Variants in ERRFI1 observed in about 807,000 individuals in gnomAD.
The protein encoded by ERRFI1 is mitogen-inducible gene 6 protein.
Under a neutral mutation model 14.6 loss-of-function variants are expected in ERRFI1, and 12 were observed. That is an observed-to-expected ratio of 0.82 (90% CI 0.53 to 1.33). The LOEUF (loss-of-function observed/expected upper bound fraction) is 1.33, where lower values mean the gene tolerates loss of function less well. ERRFI1 is among the 40% of genes most tolerant of loss of function. The pLI is 0.00. For missense variants in ERRFI1, 482 were observed against 572.1 expected, an observed-to-expected ratio of 0.84 and a Z score of 1.61; for synonymous variants, 202 against 209.9, an observed-to-expected ratio of 0.96 and a Z score of 0.32.
At chr1:8,018,382 G>C (rs1028709590) in intron 1 of ERRFI1, among the ~76,000 whole-genome samples, 2 of 115,004 alleles carry the variant, frequency 1.7e-5, no homozygotes, top group African/African-American at 7.1e-5. Flanking sequence ...GCGGGGGGGG[G>C]GGGGGCGCGG....
At chr1:8,019,951 T>C (rs1641252511) in intron 1 of ERRFI1, among the ~76,000 whole-genome samples, 1 of 152,194 alleles carries the variant, frequency 6.6e-6, no homozygotes, top group African/African-American at 2.4e-5. Context: ...GACTGTGTTT[T>C]TGCTGCTGAA....
At chr1:8,015,017 T>C (rs1641152753) in intron 3 of ERRFI1, 1 of 332,674 alleles carries the variant, frequency 3.0e-6, no homozygotes, top group Admixed American at 4.3e-5. Context: ...TAAGGTTTCA[T>C]GAAGTAAAGT....
intron 1 of ERRFI1, among the ~76,000 whole-genome samples, chr1:8,024,451 A>C (rs778093036): frequency 2.6e-5 from 4 of 152,240 alleles, no homozygotes; most frequent in Non-Finnish European, 5.9e-5. Flanking sequence ...TGAGCCTTAA[A>C]AGGTAAAACA....
At chr1:8,021,004 T>G (rs983126370) in intron 1 of ERRFI1, among the ~76,000 whole-genome samples, 20 of 152,236 alleles carry the variant, frequency 1.3e-4, no homozygotes, top group Middle Eastern at 6.3e-3. Context: ...CATGTTTTAA[T>G]GTAATTAAAA....
At chr1:8,019,718 T>A (rs1229598187) in intron 1 of ERRFI1, among the ~76,000 whole-genome samples, 2 of 152,228 alleles carry the variant, frequency 1.3e-5, no homozygotes, top group African/African-American at 2.4e-5. Flanking sequence ...TGCCCAATAA[T>A]AATGTAACAA....
At chr1:8,023,754 T>G (rs908309462) in intron 1 of ERRFI1, among the ~76,000 whole-genome samples, 1 of 152,184 alleles carries the variant, frequency 6.6e-6, no homozygotes, top group East Asian at 1.9e-4. Context: ...CTTTTCCCTA[T>G]CTTAAAACTA....
chr1:8,017,408 A>G (rs2124069669), intron 1 of ERRFI1, among the ~76,000 whole-genome samples: 2 of 152,336 alleles, frequency 1.3e-5, no homozygotes, highest in South Asian at 4.1e-4. Flanking sequence ...TCTCAAATAT[A>G]TGATAAAGAA....
chr1:8,018,378 G>T (rs1048136485), intron 1 of ERRFI1, among the ~76,000 whole-genome samples: 1 of 110,936 alleles, frequency 9.0e-6, no homozygotes, highest in East Asian at 4.0e-4. Context: ...GGGGGCGGGG[G>T]GGGGGGGGGC....
intron 1 of ERRFI1, among the ~76,000 whole-genome samples, chr1:8,024,947 G>A (rs1179049596): frequency 1.3e-5 from 2 of 152,016 alleles, no homozygotes; most frequent in Non-Finnish European, 2.9e-5. Context: ...AAATAGGTAC[G>A]GTGAACTTGG....
Position 8,013,727 on chromosome 1 carries a change from G to A in ERRFI1, c.872C>T (p.Pro291Leu), listed in dbSNP as rs1188985552. 2 of 1,614,070 alleles carry A rather than the reference G, an allele frequency of 1.2e-6. No individual in the cohort carries two copies. Among genetic ancestry groups the A allele is most frequent in the Non-Finnish European group, 1.7e-6 (2 of 1,180,042 alleles). ...PEVPPRVPIP[P>L]RPVKPDYRRW... ...TCTATAATCTGGCTTTACTGGTCTA[G>A]GAGGTATGGGAACTCTGGGGGGAAC... Residue 291 changes from proline to leucine, a missense_variant, in exon 4 of 4, where the codon CCT becomes CTT. Transcript: ENST00000377482. This position sits in a 1 kb window ranked among gnomAD's most constrained non-coding sequence, Gnocchi z 4.3.
At position 8,013,795 on chromosome 1, in the gene ERRFI1, A is replaced by G. The variant is rs1189505714; in HGVS notation, c.804T>C (p.Cys268=). The change falls in exon 4 of 4, where the codon TGT becomes TGC. Residue 268 remains cysteine (C), a synonymous_variant. Transcript: ENST00000377482. The surrounding 1 kb of genome is among the most constrained non-coding windows in gnomAD (Gnocchi z 4.3). ...CGGAGTTAGGAGAAGCTCTGTGTAT[A>G]CAACAGTTGGATATCCTTATGGCTG... ...NKPAIRISNC[C]IHRASPNSDE... The G allele has an allele frequency of 3.1e-6, 5 of 1,614,152 alleles. No homozygotes were observed. The Admixed American group carries it at 8.3e-5, about 27-fold the overall frequency.
rs548066867 is a variant in ERRFI1 at position 8,019,908 on chromosome 1, G to A, written c.-73-4216C>T. 3.3e-5 allele frequency among the ~76,000 whole-genome samples: 5 copies of A among 152,154 alleles called. No individual in the cohort carries two copies. In the East Asian group the frequency reaches 7.7e-4, roughly 24 times the overall value. ...TGGGGGGGTACTTTCTTAAAACAGT[G>A]TTTTGCCTTCTCTTAAAACACTATT... On this transcript the variant is annotated intron_variant, in intron 1 of 3. Coordinates refer to ENST00000377482, the MANE Select transcript of ERRFI1 (RefSeq NM_018948.4).
rs541458523 is a variant in ERRFI1, at chr1:8,022,256, G to A, written c.-74+3902C>T. On this transcript the variant is annotated intron_variant, in intron 1 of 3. Transcript: ENST00000377482. ...AACATGGTTATTTCATATAACACAAGTCTGTTTTTACTCGTAATAAGCGGT... is the reference window on the plus strand; with the variant it reads ...AACATGGTTATTTCATATAACACAAATCTGTTTTTACTCGTAATAAGCGGT... 2.6e-5 allele frequency among the ~76,000 whole-genome samples: 4 copies of A among 152,246 alleles called. No individual in the cohort carries two copies. The South Asian group carries it at 8.3e-4, about 32-fold the overall frequency.
rs1641090405 is a variant in ERRFI1, at chr1:8,011,947, A to C, written c.*1263T>G. On this transcript the variant is annotated 3_prime_UTR_variant, in exon 4 of 4. Transcript: ENST00000377482. ...GTTTAAACTGTAAACAGCTTGTTTA[A>C]CTGTTAAGAGAACATTGCAGTAATG... 1 of 227,836 alleles carries C rather than the reference A, an allele frequency of 4.4e-6. No individual in the cohort carries two copies. The highest frequency in any genetic ancestry group is 8.7e-6 in the Non-Finnish European group (1 of 114,484). The allele number at this position is 227,836 out of a possible 1,614,324, so 14.1% of individuals were successfully genotyped here. A position where few individuals can be genotyped will look rare whatever the true frequency, so the allele number is the denominator to read the frequency against.
chr1:8,022,077 T>C (rs1183362727), intron 1 of ERRFI1, among the ~76,000 whole-genome samples: 4 of 152,216 alleles, frequency 2.6e-5, no homozygotes, highest in Non-Finnish European at 4.4e-5. Context: ...AATTCTCCTA[T>C]TAAAAGTTAT....
chr1:8,015,574 T>G lies in ERRFI1; in HGVS notation c.46A>C (p.Lys16Gln). 1.2e-6 allele frequency: 2 copies of G among 1,614,178 alleles called. No individual in the cohort carries two copies. The highest frequency in any genetic ancestry group is 1.7e-6 in the Non-Finnish European group (2 of 1,180,012). ...VAAQEIRVPLKTGFLHNGRAM... is the reference protein window; with the variant it reads ...VAAQEIRVPLQTGFLHNGRAM... ...CGGCCATTATGTAGAAATCCAGTTT[T>G]TAATGGGACTCTGATCTCCTGAGCA... The change falls in exon 2 of 4, where the codon AAA becomes CAA. Residue 16 changes from lysine to glutamine, a missense_variant. Lys to Gln is a moderately conservative substitution (Grantham distance 53). Transcript: ENST00000377482.
Position 8,015,625 on chromosome 1 carries a change from C to CTTA in ERRFI1, c.-9_-7dup, listed in dbSNP as rs1166232059. On this transcript the variant is annotated 5_prime_UTR_variant, in exon 2 of 4. Transcript: ENST00000377482. ...GCAACTCCTGCTATTGACATTGTGC[C>CTTA]TTATTCTGGGACATCTCCAAACCTG... 1.2e-6 allele frequency: 2 copies of CTTA among 1,614,040 alleles called. No individual in the cohort carries two copies. Among genetic ancestry groups the CTTA allele is most frequent in the Non-Finnish European group, 1.7e-6 (2 of 1,179,930 alleles).
At chr1:8,017,447 G>C (rs979629154) in intron 1 of ERRFI1, among the ~76,000 whole-genome samples, 2 of 152,148 alleles carry the variant, frequency 1.3e-5, no homozygotes, top group African/African-American at 4.8e-5. Flanking sequence ...TTCTAATTGA[G>C]AGGTCTTTTG....
intron 1 of ERRFI1, among the ~76,000 whole-genome samples, chr1:8,016,580 A>G (rs1382182939): frequency 6.6e-6 from 1 of 152,200 alleles, no homozygotes; most frequent in Non-Finnish European, 1.5e-5. Context: ...TGGAGTCCCT[A>G]TAGCCCCCTT....
Sources: gnomAD v4.1 joint callset for allele counts (sites outside exome capture counted in the v4.1 genomes callset) on GRCh38, gnomAD v4.1.1 for gene constraint, Gnocchi (gnomAD v3.1) non-coding constraint, MANE v1.5 for transcripts, NCBI Gene and HGNC (gene_info 2026-07-23, HGNC 2026-07-21) for gene names.